The following CACNA1A variants were observed in gnomAD, a reference collection of about 807,000 sequenced individuals.
The protein encoded by CACNA1A is voltage-dependent P/Q-type calcium channel subunit alpha-1A.
A neutral mutation model predicts 262.4 loss-of-function variants in CACNA1A; 57 were observed. The observed-to-expected ratio is 0.22, with a 90% CI of 0.18 to 0.27. The LOEUF is 0.27. CACNA1A is among the 10% of genes least tolerant of loss of function. The pLI, the probability that CACNA1A is intolerant of heterozygous loss-of-function variation, is 1.00. For synonymous variants in CACNA1A, 1,431 were observed against 1,419.3 expected (o/e 1.01, Z -0.18); for missense variants, 2,526 against 3,562.8 (o/e 0.71, Z 7.41).
intron 12 of CACNA1A, among the ~76,000 whole-genome samples, chr19:13,311,415 A>C (rs1218024718): frequency 6.6e-6 from 1 of 152,206 alleles, no homozygotes; most frequent in Admixed American, 6.5e-5. Context: ...ATGGAAAGAA[A>C]TTGGTTTTAT....
chr19:13,506,424 T>C lies in CACNA1A; in HGVS notation c.-200A>G, dbSNP rs1983054895. The C allele has an allele frequency of 9.5e-6, 3 of 314,846 alleles. No homozygotes were observed. Among genetic ancestry groups the C allele is most frequent in the Non-Finnish European group, 1.1e-5 (2 of 179,766 alleles). The allele number at this position is 314,846 out of a possible 1,614,324, so 19.5% of individuals were successfully genotyped here. A position where few individuals can be genotyped will look rare whatever the true frequency, so the allele number is the denominator to read the frequency against. ...TCGGGTCGGGGGCTCAGAAGGCGGC[T>C]GCCCGGGCCGAGCCGGGGATAGCAG... On this transcript the variant is annotated 5_prime_UTR_variant, in exon 1 of 47. Transcript: ENST00000360228.
intron 38 of CACNA1A, among the ~76,000 whole-genome samples, chr19:13,217,234 AAGAGAG>A (rs35377972): frequency 6.6e-6 from 1 of 151,426 alleles, no homozygotes; most frequent in African/African-American, 2.4e-5. Flanking sequence ...ATGGACAGGG[AAGAGAG>A]AGAGAGAGAC....
At chr19:13,385,841 G>C (rs1336890061) in intron 3 of CACNA1A, among the ~76,000 whole-genome samples, 2 of 152,060 alleles carry the variant, frequency 1.3e-5, no homozygotes, top group African/African-American at 4.8e-5. Flanking sequence ...GTATATTCTA[G>C]AAGAGGTGGA....
chr19:13,275,971 A>G lies in CACNA1A; in HGVS notation c.3883-15T>C, dbSNP rs767715097. 7.6e-5 allele frequency: 120 copies of G among 1,579,078 alleles called. No individual in the cohort carries two copies. Among genetic ancestry groups the G allele is most frequent in the Non-Finnish European group, 4.0e-5 (46 of 1,148,732 alleles). ...AGGTCAATCATCTGTGGGGGAGAAG[A>G]GAGGGTGCTCAGAACCCCCACCTGA... On this transcript the variant is annotated splice_polypyrimidine_tract_variant and intron_variant, in intron 23 of 46. Transcript: ENST00000360228.
chr19:13,367,756 C>T (rs996165502), intron 4 of CACNA1A, among the ~76,000 whole-genome samples: 5 of 151,862 alleles, frequency 3.3e-5, no homozygotes, highest in Admixed American at 6.6e-5. Flanking sequence ...GAACAGTCCC[C>T]GAAGGGACAC....
chr19:13,368,338 CT>C lies in CACNA1A; in HGVS notation c.632-2870del, dbSNP rs796514314. The stretch of plus-strand genomic sequence containing the variant: ...TTAGTATTTCTCTGCCTATCATTGG[CT>C]TTTTTTTTTTTTTGAGATGGGCTTG... On this transcript the variant is annotated intron_variant, in intron 4 of 46. Transcript: ENST00000360228. Among the ~76,000 whole-genome samples the C allele has an allele frequency of 4.1e-3, 574 of 140,450 alleles. 1 individual carries two copies. The highest frequency in any genetic ancestry group is 0.011 in the Middle Eastern group (3 of 282). 92.1% of individuals were successfully genotyped at this position (140,450 alleles called of 152,430 possible).
chr19:13,426,666 A>T (rs2060408510), intron 3 of CACNA1A, among the ~76,000 whole-genome samples: 1 of 152,238 alleles, frequency 6.6e-6, no homozygotes. Flanking sequence ...ATAGCAGATT[A>T]GACATAGCTA....
chr19:13,212,871 A>G lies in CACNA1A; in HGVS notation c.5941-131T>C. ...ACACTCTCTCAGGTCTCATCCATCTAGACCCTTCCAATTCCACGCAGAACT... is the reference window on the plus strand; with the variant it reads ...ACACTCTCTCAGGTCTCATCCATCTGGACCCTTCCAATTCCACGCAGAACT... On this transcript the variant is annotated intron_variant, in intron 40 of 46. Coordinates refer to ENST00000360228, the MANE Select transcript of CACNA1A (RefSeq NM_001127222.2). This position sits in a 1 kb window ranked among gnomAD's most constrained non-coding sequence, Gnocchi z 5.6. The G allele has an allele frequency of 2.0e-6, 1 of 495,974 alleles. No homozygotes were observed. Among genetic ancestry groups the G allele is most frequent in the Non-Finnish European group, 3.5e-6 (1 of 283,644 alleles). The allele number at this position is 495,974 out of a possible 1,614,324, so 30.7% of individuals were successfully genotyped here. A position where few individuals can be genotyped will look rare whatever the true frequency, so the allele number is the denominator to read the frequency against.
chr19:13,342,270 A>G (rs1394064225), intron 6 of CACNA1A, among the ~76,000 whole-genome samples: 1 of 152,154 alleles, frequency 6.6e-6, no homozygotes, highest in Non-Finnish European at 1.5e-5. Flanking sequence ...TTTTACAAGC[A>G]CAAGGACTGG....
In CACNA1A at chr19:13,365,192, G is replaced by A. The variant is rs750421150; in HGVS notation, c.784+125C>T. 57 of 786,006 alleles carry A rather than the reference G, an allele frequency of 7.3e-5. 1 individual carries two copies. The highest frequency in any genetic ancestry group is 6.6e-4 in the South Asian group (36 of 54,486). 48.7% of individuals were successfully genotyped at this position (786,006 alleles called of 1,614,324 possible). On this transcript the variant is annotated intron_variant, in intron 5 of 46. Coordinates refer to ENST00000360228, the MANE Select transcript of CACNA1A (RefSeq NM_001127222.2). Reference sequence around the variant, plus strand: ...TATTTCACTCACTGCCTCTCCTGTAGTGCTCTCTGAAGGAGACGGTCCTCC... The same window carrying A: ...TATTTCACTCACTGCCTCTCCTGTAATGCTCTCTGAAGGAGACGGTCCTCC...
intron 3 of CACNA1A, among the ~76,000 whole-genome samples, chr19:13,443,600 G>C (rs2060762059): frequency 6.6e-6 from 1 of 152,108 alleles, no homozygotes; most frequent in African/African-American, 2.4e-5. Context: ...TCCTGACTTG[G>C]CCTCCTAAAG....
rs117126141 is a variant in CACNA1A, at chr19:13,297,422, C to T, written c.3089+1122G>A. Among the ~76,000 whole-genome samples the T allele has an allele frequency of 8.0e-3, 1,218 of 152,248 alleles. 8 individuals carry two copies. Among genetic ancestry groups the T allele is most frequent in the Middle Eastern group, 0.041 (12 of 294 alleles). ...TTCCCCATCTGTGAAGCCTCTAATC[C>T]GAACACTTTGGGAGACTGAGGTGGG... On this transcript the variant is annotated intron_variant, in intron 19 of 46. Transcript: ENST00000360228.
chr19:13,305,458 A>G (rs377748435), intron 15 of CACNA1A, among the ~76,000 whole-genome samples: 1 of 152,228 alleles, frequency 6.6e-6, no homozygotes, highest in Admixed American at 6.5e-5. Flanking sequence ...CCTTCCTTCT[A>G]TCCATATCCC....
At chr19:13,291,357 T>G (rs935605396) in intron 19 of CACNA1A, among the ~76,000 whole-genome samples, 9 of 151,826 alleles carry the variant, frequency 5.9e-5, no homozygotes, top group Admixed American at 5.3e-4. Context: ...ACGTATTAAC[T>G]CATTTAATCC....
At position 13,281,599 on chromosome 19, in the gene CACNA1A, C is replaced by T. The variant is rs117569238; in HGVS notation, c.3822+1668G>A. Among the ~76,000 whole-genome samples, 147 of 151,966 alleles carry T rather than the reference C, an allele frequency of 9.7e-4. 3 individuals are homozygous for T. The East Asian group carries it at 0.026, about 27-fold the overall frequency. On this transcript the variant is annotated intron_variant, in intron 22 of 46. Coordinates refer to ENST00000360228, the MANE Select transcript of CACNA1A (RefSeq NM_001127222.2). ...CTCCACCCACCAGATGCCAGGAGCA[C>T]CTCCCCCCTCCTGTCGTGACAACCA...
At chr19:13,410,220 G>A (rs1851830779) in intron 3 of CACNA1A, among the ~76,000 whole-genome samples, 3 of 150,796 alleles carry the variant, frequency 2.0e-5, no homozygotes, top group African/African-American at 7.4e-5. Flanking sequence ...AAAATCTGCT[G>A]TTAGGTCTCC....
At chr19:13,477,122 T>C (rs1453176107) in intron 1 of CACNA1A, among the ~76,000 whole-genome samples, 1 of 152,234 alleles carries the variant, frequency 6.6e-6, no homozygotes, top group African/African-American at 2.4e-5. Flanking sequence ...CTCCTCACTG[T>C]CACACATGTC....
intron 12 of CACNA1A, among the ~76,000 whole-genome samples, chr19:13,311,663 C>T (rs1269211542): frequency 6.6e-6 from 1 of 151,404 alleles, no homozygotes; most frequent in Non-Finnish European, 1.5e-5. Context: ...CGGTGAAACC[C>T]CATCTCTACT....
intron 28 of CACNA1A, among the ~76,000 whole-genome samples, chr19:13,255,771 CCCTCCTTTCCTT>C (rs1319056408): frequency 0.054 from 6,247 of 115,548 alleles, 332 homozygotes; most frequent in South Asian, 0.1. Flanking sequence ...CTCCTTCCCT[CCCTCCTTTCCTT>C]CCTTCCTCCC....
Sources: gnomAD v4.1 joint callset for allele counts (sites outside exome capture counted in the v4.1 genomes callset) on GRCh38, gnomAD v4.1.1 for gene constraint, Gnocchi (gnomAD v3.1) non-coding constraint, MANE v1.5 for transcripts, NCBI Gene and HGNC (gene_info 2026-07-23, HGNC 2026-07-21) for gene names.